The following UGP2 variants were observed in gnomAD, a reference collection of about 807,000 sequenced individuals.
The protein encoded by UGP2 is UTP--glucose-1-phosphate uridylyltransferase.
UGP2 carries 40 observed loss-of-function variants against 49.0 expected under a neutral mutation model. The observed-to-expected ratio is 0.82, with a 90% CI of 0.63 to 1.06. UGP2 has a LOEUF of 1.06. Among genes scored for constraint, UGP2 ranks in the 50% least tolerant of loss-of-function variants. The pLI, the probability that UGP2 is intolerant of heterozygous loss-of-function variation, is 0.00. For missense variants in UGP2, 460 were observed against 603.5 expected, an observed-to-expected ratio of 0.76 and a Z score of 2.49; for synonymous variants, 225 against 213.0, an observed-to-expected ratio of 1.06 and a Z score of -0.49.
intron 1 of UGP2, among the ~76,000 whole-genome samples, chr2:63,848,988 A>G (rs959679398): frequency 6.6e-5 from 10 of 152,234 alleles, no homozygotes; most frequent in Admixed American, 1.3e-4. Flanking sequence ...TTTACAATTA[A>G]GGATTGTTTT....
rs11418488 is a variant in UGP2 at position 63,865,532 on chromosome 2, A to ATTTT, written c.255+7614_255+7617dup. ...CTCCATTCTCAGAATGCTTGGGTCT[A>ATTTT]TTTTTTTTTTTTTTTTTTTTTAAAG... On this transcript the variant is annotated intron_variant, in intron 3 of 9. Coordinates refer to ENST00000337130, the MANE Select transcript of UGP2 (RefSeq NM_006759.4). 8.6e-5 allele frequency among the ~76,000 whole-genome samples: 11 copies of ATTTT among 128,208 alleles called. No homozygotes were observed. The East Asian group carries it at 1.6e-3, about 18-fold the overall frequency. 84.1% of individuals were successfully genotyped at this position (128,208 alleles called of 152,430 possible).
chr2:63,847,366 G>A (rs1672004320), intron 1 of UGP2, among the ~76,000 whole-genome samples: 1 of 152,176 alleles, frequency 6.6e-6, no homozygotes, highest in Admixed American at 6.5e-5. Context: ...CTTAGATTGT[G>A]TGAGGAACAT....
chr2:63,873,713 G>T (rs1670719919), intron 3 of UGP2, among the ~76,000 whole-genome samples: 1 of 152,106 alleles, frequency 6.6e-6, no homozygotes, highest in Non-Finnish European at 1.5e-5. Context: ...CAGCGTGTTA[G>T]GGGGAGTAGA....
chr2:63,873,505 T>G lies in UGP2; in HGVS notation c.256-8961T>G, dbSNP rs1024828618. Among the ~76,000 whole-genome samples, 8 of 152,256 alleles carry G rather than the reference T, an allele frequency of 5.3e-5. No individual in the cohort carries two copies. The Middle Eastern group carries it at 0.01, about 194-fold the overall frequency. On this transcript the variant is annotated intron_variant, in intron 3 of 9. Transcript: ENST00000337130. ...TGTTTTTTTGGGGGTGGTGAACTAG[T>G]CTGAAAGAGGCTCCATTTTTTTATC...
intron 4 of UGP2, 187 bp downstream of exon 4, chr2:63,882,838 C>T (rs990325514): frequency 2.2e-6 from 1 of 457,350 alleles, no homozygotes; most frequent in African/African-American, 2.0e-5. Flanking sequence ...TATGTAAAGG[C>T]TTTTGATCTT....
intron 6 of UGP2, 83 bp downstream of exon 6, chr2:63,885,969 G>A: frequency 7.1e-7 from 1 of 1,398,664 alleles, no homozygotes; most frequent in Non-Finnish European, 9.5e-7. Flanking sequence ...TTATTTGAAA[G>A]TTTCTATGTT....
intron 9 of UGP2, 96 bp from the exon 10 acceptor site, chr2:63,891,023 GT>G (rs1672109768): frequency 1.2e-6 from 1 of 840,180 alleles, no homozygotes; most frequent in South Asian, 2.1e-5. Context: ...TTACTTCACT[GT>G]AAAAAAAAAA....
rs751800377 is a variant in UGP2 at position 63,885,572 on chromosome 2, CTTT to C, written c.576-7_576-5del. 1 of 1,102,328 alleles carries C rather than the reference CTTT, an allele frequency of 9.1e-7. No individual in the cohort carries two copies. The highest frequency in any genetic ancestry group is 1.2e-6 in the Non-Finnish European group (1 of 807,662). 68.3% of individuals were successfully genotyped at this position (1,102,328 alleles called of 1,614,324 possible). On this transcript the variant is annotated splice_polypyrimidine_tract_variant and intron_variant, in intron 5 of 9. Transcript: ENST00000337130. ...CTACAGGGTCAATATTGAAAAAGAA[CTTT>C]TTTTTTTTTAAAGGTACCCGAGGAT...
At chr2:63,858,580 C>CT (rs1202020681) in intron 3 of UGP2, among the ~76,000 whole-genome samples, 7 of 151,662 alleles carry the variant, frequency 4.6e-5, no homozygotes, top group African/African-American at 1.5e-4. Flanking sequence ...TGAGGAGCCT[C>CT]TTATTTTTGA....
chr2:63,873,798 C>T (rs569306378), intron 3 of UGP2, among the ~76,000 whole-genome samples: 2 of 152,228 alleles, frequency 1.3e-5, no homozygotes, highest in South Asian at 4.2e-4. Context: ...GGATTAGATT[C>T]AGCTACATAG....
chr2:63,863,947 G>GTACAT (rs1670014505), intron 3 of UGP2, among the ~76,000 whole-genome samples: 1 of 152,160 alleles, frequency 6.6e-6, no homozygotes, highest in Admixed American at 6.6e-5. Context: ...TGTCTTCATC[G>GTACAT]TACATAGTCC....
intron 3 of UGP2, among the ~76,000 whole-genome samples, chr2:63,864,826 A>G (rs1296643978): frequency 6.6e-6 from 1 of 152,198 alleles, no homozygotes; most frequent in Non-Finnish European, 1.5e-5. Context: ...AGTTCTTCCC[A>G]CGATACATTT....
In UGP2 at chr2:63,884,094, G is replaced by T; in HGVS notation, c.575+1G>T. 1 of 1,611,602 alleles carries T rather than the reference G, an allele frequency of 6.2e-7. No individual in the cohort carries two copies. Among genetic ancestry groups the T allele is most frequent in the South Asian group, 1.1e-5 (1 of 90,514 alleles). The stretch of plus-strand genomic sequence containing the variant: ...AAATCTACACTTTCAATCAAAGCAG[G>T]TACAATGAGTAAAAAATTAACTCTG... On this transcript the variant is annotated splice_donor_variant, in intron 5 of 9. Coordinates refer to ENST00000337130, the MANE Select transcript of UGP2 (RefSeq NM_006759.4). LOFTEE classifies it high-confidence loss of function.
rs1670159946 is a variant in UGP2 at position 63,865,985 on chromosome 2, TG to T, written c.255+8052del. 2.6e-5 allele frequency among the ~76,000 whole-genome samples: 4 copies of T among 152,278 alleles called. No individual in the cohort carries two copies. In the East Asian group the frequency reaches 7.7e-4, roughly 29 times the overall value. ...TTAAATTTTATACAAACTAGTGAAA[TG>T]GGTTTAAAAAAGCTCTTTCTAAGAA... On this transcript the variant is annotated intron_variant, in intron 3 of 9. Transcript: ENST00000337130.
At chr2:63,885,067 G>C (rs1671585028) in intron 5 of UGP2, among the ~76,000 whole-genome samples, 1 of 98,082 alleles carries the variant, frequency 1.0e-5, no homozygotes, top group South Asian at 3.5e-4. Flanking sequence ...TTAGTCTGTT[G>C]CGGTGCTAGC....
chr2:63,861,687 C>CA (rs34304544), intron 3 of UGP2, among the ~76,000 whole-genome samples: 37,807 of 91,100 alleles, frequency 0.42, 5,905 homozygotes, highest in Non-Finnish European at 0.44. Flanking sequence ...GATCCTGTCT[C>CA]AAAAAAAAAA....
rs115301533 is a variant in UGP2, at chr2:63,845,870, G to C, written c.19+3666G>C. On this transcript the variant is annotated intron_variant, in intron 1 of 9. Coordinates refer to ENST00000337130, the MANE Select transcript of UGP2 (RefSeq NM_006759.4). ...GAAAGCTGGGTATCTCCATCCTCAA[G>C]CATATTGACCGTAAACTATTAGGTG... is the stretch of plus-strand genomic sequence containing the variant. 4.9e-3 allele frequency among the ~76,000 whole-genome samples: 753 copies of C among 152,188 alleles called. 1 individual carries two copies. Among genetic ancestry groups the C allele is most frequent in the Middle Eastern group, 0.044 (13 of 294 alleles).
intron 3 of UGP2, 111 bp from the exon 4 acceptor site, chr2:63,882,355 C>A: frequency 1.9e-6 from 2 of 1,030,190 alleles, no homozygotes; most frequent in Middle Eastern, 2.9e-4. Flanking sequence ...TTAAAACTTT[C>A]CACAGAGAAA....
intron 3 of UGP2, among the ~76,000 whole-genome samples, chr2:63,879,611 C>A (rs1219424650): frequency 3.3e-5 from 5 of 152,168 alleles, no homozygotes; most frequent in African/African-American, 9.7e-5. Context: ...TATTGTTACA[C>A]ACATAGGTGG....
Sources: gnomAD v4.1 joint callset for allele counts (sites outside exome capture counted in the v4.1 genomes callset) on GRCh38, gnomAD v4.1.1 for gene constraint, MANE v1.5 for transcripts, NCBI Gene and HGNC (gene_info 2026-07-23, HGNC 2026-07-21) for gene names.